Variants in ASPRV1 observed in about 807,000 individuals in gnomAD.
ASPRV1 encodes aspartic peptidase retroviral like 1.
Under a neutral mutation model 11.0 loss-of-function variants are expected in ASPRV1, and 7 were observed. The ratio of observed to expected loss-of-function variants is 0.64; its 90% confidence interval spans 0.36 to 1.20. The LOEUF (loss-of-function observed/expected upper bound fraction) is 1.20. Among genes scored for constraint, ASPRV1 ranks in the 50% most tolerant of loss-of-function variants. ASPRV1 has a pLI of 0.02. For synonymous variants in ASPRV1, 136 were observed against 138.4 expected (o/e 0.98, Z 0.12); for missense variants, 299 against 320.0 (o/e 0.93, Z 0.50).
At chr2:69,972,963 G>T in the ASPRV1 span, among the ~76,000 whole-genome samples, 1 of 151,882 alleles carries the variant, frequency 6.6e-6, no homozygotes, top group Admixed American at 6.6e-5. Flanking sequence ...CTTTCCATCA[G>T]CCATTCCCAC....
the ASPRV1 span, among the ~76,000 whole-genome samples, chr2:70,012,579 G>C: frequency 6.6e-6 from 1 of 152,158 alleles, no homozygotes; most frequent in African/African-American, 2.4e-5. Flanking sequence ...TCAATGAAGA[G>C]GCACCAAACT....
downstream of ASPRV1, among the ~76,000 whole-genome samples, chr2:69,956,107 C>T (rs576102897): frequency 7.2e-5 from 11 of 152,184 alleles, no homozygotes; most frequent in Non-Finnish European, 1.0e-4. Context: ...GATGGGGACA[C>T]GTCCCAAGGA....
the ASPRV1 span, among the ~76,000 whole-genome samples, chr2:69,950,414 T>C: frequency 6.6e-6 from 1 of 152,242 alleles, no homozygotes; most frequent in Non-Finnish European, 1.5e-5. Context: ...AATCATATTG[T>C]GTATGTTTTG....
the ASPRV1 span, among the ~76,000 whole-genome samples, chr2:70,066,715 A>AG: frequency 6.6e-6 from 1 of 151,986 alleles, no homozygotes; most frequent in African/African-American, 2.4e-5. Flanking sequence ...CTCCCACTTC[A>AG]GCCTCCCAAG....
At chr2:70,008,017 G>A in the ASPRV1 span, among the ~76,000 whole-genome samples, 1 of 152,120 alleles carries the variant, frequency 6.6e-6, no homozygotes, top group South Asian at 2.1e-4. Flanking sequence ...TGCATTTTTA[G>A]TAGCGACAGG....
the ASPRV1 span, among the ~76,000 whole-genome samples, chr2:70,028,820 T>C: frequency 3.2e-4 from 48 of 152,070 alleles, no homozygotes; most frequent in Non-Finnish European, 4.9e-4. Context: ...CACGAGCCTG[T>C]AGTCCCAGCT....
chr2:69,970,665 T>C, the ASPRV1 span: 2 of 152,322 alleles, frequency 1.3e-5, no homozygotes, highest in Admixed American at 6.5e-5. Flanking sequence ...CTCTCTGAGT[T>C]GCAGCACTGG....
chr2:70,019,041 A>G, the ASPRV1 span: 1 of 152,340 alleles, frequency 6.6e-6, no homozygotes, highest in East Asian at 1.9e-4. Flanking sequence ...TAAAGTGTAG[A>G]TAAGAAACTC....
chr2:70,065,708 C>T, the ASPRV1 span, among the ~76,000 whole-genome samples: 1 of 150,724 alleles, frequency 6.6e-6, no homozygotes, highest in African/African-American at 2.4e-5. Flanking sequence ...GCCTTTAGTC[C>T]CAGCTACTGG....
the ASPRV1 span, among the ~76,000 whole-genome samples, chr2:70,054,394 T>C: frequency 1.3e-5 from 2 of 151,346 alleles, no homozygotes; most frequent in Admixed American, 6.6e-5. Context: ...AAGACCACGG[T>C]GAAACCCCGT....
the ASPRV1 span, among the ~76,000 whole-genome samples, chr2:69,976,957 C>T: frequency 6.6e-6 from 1 of 152,084 alleles, no homozygotes; most frequent in South Asian, 2.1e-4. Context: ...TTTGGGAAGC[C>T]GCGGCAGGTG....
chr2:70,057,560 C>A, the ASPRV1 span, among the ~76,000 whole-genome samples: 2 of 151,716 alleles, frequency 1.3e-5, no homozygotes, highest in African/African-American at 4.8e-5. Flanking sequence ...CTCACTGCAA[C>A]CTCCGCCTCC....
At chr2:70,042,818 C>A in the ASPRV1 span, among the ~76,000 whole-genome samples, 3 of 152,120 alleles carry the variant, frequency 2.0e-5, no homozygotes, top group African/African-American at 7.2e-5. Flanking sequence ...GGAGGACAGG[C>A]CATTCCTAGG....
the ASPRV1 span, chr2:70,049,523 ATT>A: frequency 6.6e-6 from 1 of 152,146 alleles, no homozygotes; most frequent in South Asian, 2.1e-4. Context: ...GCACATGTTT[ATT>A]ACCATTCAGT....
At chr2:70,032,670 T>C in the ASPRV1 span, among the ~76,000 whole-genome samples, 1 of 152,068 alleles carries the variant, frequency 6.6e-6, no homozygotes, top group Non-Finnish European at 1.5e-5. Flanking sequence ...AAAAATTTAT[T>C]TTGCTTAGGT....
the ASPRV1 span, among the ~76,000 whole-genome samples, chr2:70,064,202 AG>A: frequency 1.3e-5 from 2 of 152,232 alleles, no homozygotes; most frequent in Non-Finnish European, 2.9e-5. Flanking sequence ...TGGACGAAAT[AG>A]GAAGAATGAC....
the ASPRV1 span, among the ~76,000 whole-genome samples, chr2:70,082,605 G>A: frequency 6.6e-6 from 1 of 151,898 alleles, no homozygotes; most frequent in African/African-American, 2.4e-5. Flanking sequence ...AGCTACTCAA[G>A]AGGCTGAGGC....
the ASPRV1 span, among the ~76,000 whole-genome samples, chr2:69,980,497 TTTATCTAA>T: frequency 6.6e-6 from 1 of 152,190 alleles, no homozygotes; most frequent in East Asian, 1.9e-4. Flanking sequence ...TATGTGTATA[TTTATCTAA>T]GAAGTCTCAC....
At chr2:69,968,356 T>C in the ASPRV1 span, 2 of 152,016 alleles carry the variant, frequency 1.3e-5, no homozygotes, top group Non-Finnish European at 1.5e-5. Flanking sequence ...ACACCCTGTC[T>C]CTACTAAAAA....
Sources: allele counts gnomAD v4.1 joint callset (sites outside exome capture counted in the v4.1 genomes callset), GRCh38; gene constraint gnomAD v4.1.1; transcripts MANE v1.5; gene names NCBI Gene and HGNC (gene_info 2026-07-23, HGNC 2026-07-21).